NLRP12: variants seen among roughly 807,000 people sequenced by gnomAD.
The protein encoded by NLRP12 is NACHT, LRR and PYD domains-containing protein 12.
NLRP12 carries 108 observed loss-of-function variants against 91.2 expected under a neutral mutation model. The observed-to-expected ratio is 1.18, with a 90% CI of 1.01 to 1.39. The LOEUF is 1.39. Ranked by LOEUF, NLRP12 falls within the 40% of genes most tolerant of loss-of-function variation. The probability of loss-of-function intolerance (pLI) is 0.00; values close to 1 mark genes in which losing one functional copy is unlikely to be tolerated. For missense variants in NLRP12, 1,530 were observed against 1,352.7 expected, an observed-to-expected ratio of 1.13 and a Z score of -2.06; for synonymous variants, 613 against 566.7, an observed-to-expected ratio of 1.08 and a Z score of -1.16.
intron 9 of NLRP12, among the ~76,000 whole-genome samples, chr19:53,794,485 A>G (rs1229732478): frequency 7.6e-6 from 1 of 132,014 alleles, no homozygotes; most frequent in South Asian, 2.8e-4. Context: ...ACGCCCGGCT[A>G]ATTTTTTGTA....
rs1210847875 is a variant in NLRP12 at position 53,810,233 on chromosome 19, A to G, written c.1426T>C (p.Phe476Leu). The G allele has an allele frequency of 5.6e-6, 9 of 1,614,154 alleles. No homozygotes were observed. Among genetic ancestry groups the G allele is most frequent in the Non-Finnish European group, 7.6e-6 (9 of 1,180,028 alleles). Reference sequence around the variant, plus strand: ...TGCTTCCGGAGGTCCTGCTCCTCAAATAGGATTTTCTGATTCCAGAGCCCA... The same window carrying G: ...TGCTTCCGGAGGTCCTGCTCCTCAAGTAGGATTTTCTGATTCCAGAGCCCA... ...ADGLWNQKILFEEQDLRKHGL... is the reference protein window; with the variant it reads ...ADGLWNQKILLEEQDLRKHGL... The change falls in exon 3 of 10, where the codon TTT becomes CTT. Residue 476 changes from phenylalanine (F) to leucine (L), a missense_variant. Phe to Leu is a conservative substitution (Grantham distance 22, BLOSUM62 0). Coordinates refer to ENST00000324134, the MANE Select transcript of NLRP12 (RefSeq NM_144687.4).
At chr19:53,808,752 A>G (rs2092003851) in intron 3 of NLRP12, 4 of 152,162 alleles carry the variant, frequency 2.6e-5, no homozygotes, top group African/African-American at 7.2e-5. Context: ...ATCGACCTCA[A>G]TTTAGTCCCA....
At chr19:53,799,427 G>T (rs1343184249) in intron 7 of NLRP12, among the ~76,000 whole-genome samples, 4 of 151,978 alleles carry the variant, frequency 2.6e-5, no homozygotes, top group Non-Finnish European at 5.9e-5. Flanking sequence ...AGATACAGTT[G>T]GCATAGCTCC....
At chr19:53,799,453 C>T (rs2122544577) in intron 7 of NLRP12, among the ~76,000 whole-genome samples, 1 of 152,126 alleles carries the variant, frequency 6.6e-6, no homozygotes, top group Admixed American at 6.6e-5. Flanking sequence ...TTGTGGAATG[C>T]CACCACACAC....
At chr19:53,799,607 C>G (rs1342248911) in intron 7 of NLRP12, among the ~76,000 whole-genome samples, 4 of 152,034 alleles carry the variant, frequency 2.6e-5, no homozygotes, top group Non-Finnish European at 5.9e-5. Flanking sequence ...CCTCAGCCTC[C>G]TGAGTACCTG....
rs144287432 is a variant in NLRP12, at chr19:53,810,673, C to T, written c.986G>A (p.Arg329Gln). The change falls in exon 3 of 10, where the codon CGG (arginine) becomes CAG (glutamine). Residue 329 changes from arginine (R) to glutamine (Q), a missense_variant. Physicochemically the swap from Arg to Gln is conservative, Grantham distance 43. Coordinates refer to ENST00000324134, the MANE Select transcript of NLRP12 (RefSeq NM_144687.4). ...PTELLLNSLI[R>Q]KKLLPELSLL... ...AGATAGCTCAGGGAGCAGCTTCTTC[C>T]GAATTAAGCTGTTAAGAAGCAGCTC... 1.5e-4 allele frequency: 247 copies of T among 1,613,844 alleles called. No individual in the cohort carries two copies. Among genetic ancestry groups the T allele is most frequent in the Middle Eastern group, 8.2e-4 (5 of 6,062 alleles).
At chr19:53,808,761 C>T (rs2092004007) in intron 3 of NLRP12, 2 of 152,124 alleles carry the variant, frequency 1.3e-5, no homozygotes, top group Non-Finnish European at 2.9e-5. Context: ...AATTTAGTCC[C>T]AATGGGTGTT....
rs2092016659 is a variant in NLRP12, at chr19:53,809,454, C to A, written c.2072+133G>T. 4 of 861,172 alleles carry A rather than the reference C, an allele frequency of 4.6e-6. No homozygotes were observed. In the Admixed American group the frequency reaches 9.4e-5, roughly 20 times the overall value. 53.3% of individuals were successfully genotyped at this position (861,172 alleles called of 1,614,324 possible). Reference sequence around the variant, plus strand: ...GCTGAAGCAGGAGAATCTCTTGAACCCGGGAGGCGGAGGTTGCAGTGAGCT... The same window carrying A: ...GCTGAAGCAGGAGAATCTCTTGAACACGGGAGGCGGAGGTTGCAGTGAGCT... On this transcript the variant is annotated intron_variant, in intron 3 of 9. Transcript: ENST00000324134.
At chr19:53,801,879 G>A (rs1191931464) in intron 6 of NLRP12, among the ~76,000 whole-genome samples, 2 of 151,690 alleles carry the variant, frequency 1.3e-5, no homozygotes, top group Non-Finnish European at 2.9e-5. Flanking sequence ...GATCACCTGA[G>A]GTCGGGAGTT....
At chr19:53,819,319 A>T (rs1306869705) in intron 1 of NLRP12, among the ~76,000 whole-genome samples, 2 of 147,848 alleles carry the variant, frequency 1.4e-5, no homozygotes, top group Non-Finnish European at 3.0e-5. Context: ...ATCTCGGCTC[A>T]CTGCAACCTC....
chr19:53,812,212 C>T (rs2092087485), intron 2 of NLRP12, among the ~76,000 whole-genome samples: 1 of 151,846 alleles, frequency 6.6e-6, no homozygotes, highest in African/African-American at 2.4e-5. Context: ...TCAAACAATC[C>T]TCCTGCCTGA....
chr19:53,795,107 C>CGTGTGTGTGT (rs56027837), intron 9 of NLRP12, among the ~76,000 whole-genome samples: 16 of 85,444 alleles, frequency 1.9e-4, no homozygotes, highest in African/African-American at 7.1e-4. Flanking sequence ...CTGGTGTGTG[C>CGTGTGTGTGT]GTGTGTGTGT....
At chr19:53,802,663 C>T (rs1386173102) in intron 6 of NLRP12, among the ~76,000 whole-genome samples, 2 of 150,954 alleles carry the variant, frequency 1.3e-5, no homozygotes, top group Admixed American at 6.6e-5. Context: ...GCAGAGATCA[C>T]ACCACTGCAC....
chr19:53,799,614 C>G (rs2091833380), intron 7 of NLRP12, among the ~76,000 whole-genome samples: 1 of 151,876 alleles, frequency 6.6e-6, no homozygotes, highest in African/African-American at 2.4e-5. Flanking sequence ...CTCCTGAGTA[C>G]CTGGATATCA....
At position 53,809,784 on chromosome 19, in the gene NLRP12, A is replaced by G; in HGVS notation, c.1875T>C (p.Phe625=). Residue 625 remains phenylalanine (F), a synonymous_variant, in exon 3 of 10, where the codon TTT becomes TTC. Transcript: ENST00000324134. ...GGAAGTGGCTCAGGGCCTGCTGGAT[A>G]AACTCCTCCTCCTGGATCTCGTACA... ...SCLYEIQEEE[F]IQQALSHFQV... 1 of 1,614,104 alleles carries G rather than the reference A, an allele frequency of 6.2e-7. No individual in the cohort carries two copies. The highest frequency in any genetic ancestry group is 2.2e-5 in the East Asian group (1 of 44,858).
At chr19:53,795,835 A>G (rs371793653) in intron 9 of NLRP12, 24 bp downstream of exon 9, 19 of 1,612,582 alleles carry the variant, frequency 1.2e-5, no homozygotes, top group Non-Finnish European at 1.5e-5. Context: ...CCTCCTCCAG[A>G]AAGAACTGGT....
At chr19:53,804,185 G>A in intron 5 of NLRP12, 63 bp from the exon 6 acceptor site, 1 of 1,540,446 alleles carries the variant, frequency 6.5e-7, no homozygotes, top group East Asian at 2.3e-5. Flanking sequence ...GATCACTCAT[G>A]CTCCAGCCTG....
At chr19:53,798,548 A>G (rs780037935) in intron 7 of NLRP12, 135 bp from the exon 8 acceptor site, 286 of 851,344 alleles carry the variant, frequency 3.4e-4, no homozygotes, top group Non-Finnish European at 4.8e-4. Context: ...AGACAAAAAG[A>G]AAAAGACGAC....
intron 7 of NLRP12, among the ~76,000 whole-genome samples, chr19:53,800,741 C>T (rs1372397859): frequency 6.6e-6 from 1 of 152,046 alleles, no homozygotes; most frequent in Non-Finnish European, 1.5e-5. Flanking sequence ...CACCACCATG[C>T]CTGGCTACTT....
Sources: gnomAD v4.1 joint callset for allele counts (sites outside exome capture counted in the v4.1 genomes callset) on GRCh38, gnomAD v4.1.1 for gene constraint, MANE v1.5 for transcripts, NCBI Gene and HGNC (gene_info 2026-07-23, HGNC 2026-07-21) for gene names.